Variants in KCNS3 observed in about 807,000 individuals in gnomAD.
The protein encoded by KCNS3 is potassium voltage-gated channel modifier subfamily S member 3.
KCNS3 carries 13 observed loss-of-function variants against 31.0 expected under a neutral mutation model. The ratio of observed to expected loss-of-function variants is 0.42; its 90% CI spans 0.27 to 0.67. The LOEUF (loss-of-function observed/expected upper bound fraction) is 0.67. Among genes scored for constraint, KCNS3 ranks in the 30% least tolerant of loss-of-function variants. The pLI, the probability that KCNS3 is intolerant of heterozygous loss-of-function variation, is 0.25. For missense variants in KCNS3, 545 were observed against 622.4 expected, an observed-to-expected ratio of 0.88 and a Z score of 1.32; for synonymous variants, 238 against 241.5, an observed-to-expected ratio of 0.99 and a Z score of 0.13.
chr2:17,915,765 TAGAG>T (rs994929876), intron 1 of KCNS3, among the ~76,000 whole-genome samples: 2 of 152,188 alleles, frequency 1.3e-5, no homozygotes, highest in African/African-American at 4.8e-5. Context: ...TGAATGCTCT[TAGAG>T]AGGTGCTAAT....
chr2:17,913,541 A>G (rs1662520102), intron 1 of KCNS3, among the ~76,000 whole-genome samples: 1 of 152,266 alleles, frequency 6.6e-6, no homozygotes, highest in South Asian at 2.1e-4. Flanking sequence ...ACAAAAGGTT[A>G]AACTTGCTTT....
Position 17,931,845 on chromosome 2 carries a change from T to C in KCNS3, c.837T>C (p.Ser279=), listed in dbSNP as rs1192733004. 4 of 1,614,004 alleles carry C rather than the reference T, an allele frequency of 2.5e-6. No individual in the cohort carries two copies. The highest frequency in any genetic ancestry group is 3.4e-6 in the Non-Finnish European group (4 of 1,180,008). ...CTGTAGACACCAAGGAGGAAGAGAG[T>C]GAGGATATTGAGAACATGGGCAAGG... ...TLAVDTKEEE[S]EDIENMGKVV... The change falls in exon 3 of 3, where the codon AGT becomes AGC. Residue 279 remains serine, a synonymous_variant. Coordinates refer to ENST00000304101, the MANE Select transcript of KCNS3 (RefSeq NM_002252.5). This position sits in a 1 kb window ranked among gnomAD's most constrained non-coding sequence, Gnocchi z 5.4.
At chr2:17,881,688 T>C (rs1674647032) in intron 1 of KCNS3, among the ~76,000 whole-genome samples, 1 of 152,238 alleles carries the variant, frequency 6.6e-6, no homozygotes, top group African/African-American at 2.4e-5. Context: ...GCAGTCTGAC[T>C]GCAGAGCCAC....
At chr2:17,921,270 C>G (rs1051644530) in intron 2 of KCNS3, among the ~76,000 whole-genome samples, 2 of 152,132 alleles carry the variant, frequency 1.3e-5, no homozygotes, top group African/African-American at 4.8e-5. Flanking sequence ...CTATCCATGA[C>G]CCGCTGCAAC....
Position 17,932,716 on chromosome 2 carries a change from T to G in KCNS3, c.*232T>G, listed in dbSNP as rs1047905. 525 of 466,400 alleles carry G rather than the reference T, an allele frequency of 1.1e-3. 1 individual carries two copies. Among genetic ancestry groups the G allele is most frequent in the Non-Finnish European group, 1.7e-3 (430 of 257,288 alleles). 28.9% of individuals were successfully genotyped at this position (466,400 alleles called of 1,614,324 possible). A position where few individuals can be genotyped will look rare whatever the true frequency, so the allele number is the denominator to read the frequency against. On this transcript the variant is annotated 3_prime_UTR_variant, in exon 3 of 3. Coordinates refer to ENST00000304101, the MANE Select transcript of KCNS3 (RefSeq NM_002252.5). ...TTTTTTACAAGAGAGAGTTGTGATA[T>G]AGTTTGGAATATAAGATAAATGGTA...
chr2:17,929,916 T>G (rs1463569372), intron 2 of KCNS3, among the ~76,000 whole-genome samples: 1 of 152,192 alleles, frequency 6.6e-6, no homozygotes, highest in Admixed American at 6.5e-5. Context: ...AAGGACTGAA[T>G]GACATAATGT....
chr2:17,923,939 T>C (rs1662777156), intron 2 of KCNS3, among the ~76,000 whole-genome samples: 1 of 152,040 alleles, frequency 6.6e-6, no homozygotes, highest in Non-Finnish European at 1.5e-5. Context: ...ATTTAATCTA[T>C]GAATTAATTT....
At chr2:17,926,934 T>C (rs1662853671) in intron 2 of KCNS3, among the ~76,000 whole-genome samples, 1 of 152,226 alleles carries the variant, frequency 6.6e-6, no homozygotes, top group South Asian at 2.1e-4. Context: ...ATCATCGGGC[T>C]CCAAATTTCC....
chr2:17,882,659 AGAG>A (rs1420044798), intron 1 of KCNS3, among the ~76,000 whole-genome samples: 2 of 152,132 alleles, frequency 1.3e-5, no homozygotes, highest in East Asian at 1.9e-4. Flanking sequence ...AGGAGGAGAA[AGAG>A]GAGAAGAGTG....
intron 1 of KCNS3, among the ~76,000 whole-genome samples, chr2:17,891,541 A>C (rs1323911202): frequency 2.6e-5 from 4 of 152,000 alleles, no homozygotes; most frequent in Non-Finnish European, 4.4e-5. Context: ...TTTTGCTTTA[A>C]AGAGGTTCTG....
At chr2:17,891,676 A>G (rs1661858620) in intron 1 of KCNS3, among the ~76,000 whole-genome samples, 1 of 152,124 alleles carries the variant, frequency 6.6e-6, no homozygotes, top group African/African-American at 2.4e-5. Flanking sequence ...TCTTTTCTTT[A>G]TATATGATGC....
At position 17,888,637 on chromosome 2, in the gene KCNS3, A is replaced by ATC. The variant is rs1558446968; in HGVS notation, c.-252+9832_-252+9833insCT. On this transcript the variant is annotated intron_variant, in intron 1 of 2. Coordinates refer to ENST00000304101, the MANE Select transcript of KCNS3 (RefSeq NM_002252.5). ...AGTATAATAAAAAAAATGTATATAT[A>ATC]TATATATATATATATATATATATAT... Among the ~76,000 whole-genome samples the ATC allele has an allele frequency of 8.5e-4, 60 of 70,740 alleles. 2 individuals carry two copies. The highest frequency in any genetic ancestry group is 3.9e-3 in the Admixed American group (31 of 8,030). The allele number at this position is 70,740 out of a possible 152,430, so 46.4% of individuals were successfully genotyped here.
chr2:17,878,302 G>T (rs980918132), upstream of KCNS3, among the ~76,000 whole-genome samples: 3 of 152,084 alleles, frequency 2.0e-5, no homozygotes, highest in African/African-American at 7.2e-5. Flanking sequence ...TTTCCCGCAG[G>T]GCCACGGCGC....
At chr2:17,891,592 C>G (rs549721149) in intron 1 of KCNS3, among the ~76,000 whole-genome samples, 6 of 152,078 alleles carry the variant, frequency 3.9e-5, no homozygotes, top group African/African-American at 1.4e-4. Context: ...ATTTAGAGCT[C>G]CTTTTAGCAG....
chr2:17,913,987 A>C (rs916175009), intron 1 of KCNS3, among the ~76,000 whole-genome samples: 3 of 152,174 alleles, frequency 2.0e-5, no homozygotes, highest in Non-Finnish European at 4.4e-5. Context: ...GAAGTTTTCA[A>C]GGTTAGGATA....
rs1408703298 is a variant in KCNS3 at position 17,932,080 on chromosome 2, C to T, written c.1072C>T (p.Pro358Ser). ...CCACACATCCAGCCTCACCAGCATC[C>T]CCATCTGCTGGTGGTGGGCCACCAT... ...DDHTSSLTSI[P>S]ICWWWATISM... The change falls in exon 3 of 3, where the codon CCC (proline) becomes TCC (serine). Residue 358 changes from proline to serine, a missense_variant. Physicochemically the swap from Pro to Ser is moderately conservative, Grantham distance 74. Coordinates refer to ENST00000304101, the MANE Select transcript of KCNS3 (RefSeq NM_002252.5). 1 of 1,614,080 alleles carries T rather than the reference C, an allele frequency of 6.2e-7. No homozygotes were observed.
At chr2:17,905,865 G>C (rs1387998853) in intron 1 of KCNS3, among the ~76,000 whole-genome samples, 1 of 152,140 alleles carries the variant, frequency 6.6e-6, no homozygotes, top group African/African-American at 2.4e-5. Context: ...TGGTTTGCCC[G>C]TATTTTATTG....
chr2:17,912,403 G>A (rs191743438), intron 1 of KCNS3, among the ~76,000 whole-genome samples: 183 of 152,326 alleles, frequency 1.2e-3, no homozygotes, highest in Non-Finnish European at 1.8e-4. Flanking sequence ...CTAGCCATGC[G>A]GTAGGGAGAT....
intron 1 of KCNS3, among the ~76,000 whole-genome samples, chr2:17,896,109 C>G (rs147512106): frequency 6.6e-6 from 1 of 152,172 alleles, no homozygotes; most frequent in South Asian, 2.1e-4. Context: ...GTGGCACAAT[C>G]ATAGTTCACT....
Sources: gnomAD v4.1 joint callset for allele counts (sites outside exome capture counted in the v4.1 genomes callset) on GRCh38, gnomAD v4.1.1 for gene constraint, Gnocchi (gnomAD v3.1) non-coding constraint, MANE v1.5 for transcripts, NCBI Gene and HGNC (gene_info 2026-07-23, HGNC 2026-07-21) for gene names.